Variants in KIT observed in about 807,000 individuals in gnomAD.
KIT encodes the protein KIT proto-oncogene, receptor tyrosine kinase.
Under a neutral mutation model 105.7 loss-of-function variants are expected in KIT, and 16 were observed. That is an observed-to-expected ratio of 0.15 (90% CI 0.10 to 0.23). KIT has a LOEUF of 0.23. Among genes scored for constraint, KIT ranks in the 10% least tolerant of loss-of-function variants. KIT has a pLI of 1.00. For synonymous variants in KIT, 438 were observed against 441.1 expected (o/e 0.99, Z 0.09); for missense variants, 858 against 1,213.8 (o/e 0.71, Z 4.36).
At chr4:54,682,092 T>TTC (rs200258710) in intron 1 of KIT, among the ~76,000 whole-genome samples, 6,972 of 144,382 alleles carry the variant, frequency 0.048, 516 homozygotes, top group African/African-American at 0.16. Flanking sequence ...TGAATTTTCT[T>TTC]TTTTTTTTTT....
chr4:54,725,808 T>G lies in KIT; in HGVS notation c.1347-49T>G, dbSNP rs1722179721. The G allele has an allele frequency of 2.0e-6, 3 of 1,498,946 alleles. No homozygotes were observed. In the African/African-American group the frequency reaches 4.1e-5, roughly 21 times the overall value. 92.9% of individuals were successfully genotyped at this position (1,498,946 alleles called of 1,614,324 possible). ...GCCACATCCCAAGTGTTTTATGTAT[T>G]TATTTATTTTCCTAGAGTAAGCCAG... On this transcript the variant is annotated intron_variant, in intron 8 of 20. Transcript: ENST00000288135.
intron 8 of KIT, among the ~76,000 whole-genome samples, chr4:54,724,741 C>T (rs1158068692): frequency 2.0e-5 from 3 of 150,796 alleles, no homozygotes; most frequent in East Asian, 1.9e-4. Context: ...GTAACACTAA[C>T]GATAGCTGAT....
chr4:54,694,414 C>G (rs1050814478), intron 1 of KIT, among the ~76,000 whole-genome samples: 2 of 152,160 alleles, frequency 1.3e-5, no homozygotes, highest in African/African-American at 4.8e-5. Context: ...TGCAGTGTTG[C>G]AATCACAGTT....
intron 1 of KIT, among the ~76,000 whole-genome samples, chr4:54,668,887 C>T (rs893403077): frequency 6.6e-6 from 1 of 152,202 alleles, no homozygotes; most frequent in Non-Finnish European, 1.5e-5. Context: ...GCAATTCCAT[C>T]CCAACTTTCA....
rs1553891809 is a variant in KIT, at chr4:54,727,529, C to T, written c.1761C>T (p.Asn587=). Residue 587 remains asparagine, a synonymous_variant, in exon 11 of 21, where the codon AAC becomes AAT. Transcript: ENST00000288135. ...ATCACAAATGGGAGTTTCCCAGAAACAGGCTGAGTTTTGGTCAGTATGAAA... is the reference window on the plus strand; with the variant it reads ...ATCACAAATGGGAGTTTCCCAGAAATAGGCTGAGTTTTGGTCAGTATGAAA... The part of the protein sequence containing the change: ...PYDHKWEFPR[N]RLSFGKTLGA... The T allele has an allele frequency of 6.2e-7, 1 of 1,614,038 alleles. No homozygotes were observed. Among genetic ancestry groups the T allele is most frequent in the Admixed American group, 1.7e-5 (1 of 59,998 alleles).
chr4:54,665,907 G>A (rs1717654295), intron 1 of KIT, among the ~76,000 whole-genome samples: 1 of 152,174 alleles, frequency 6.6e-6, no homozygotes, highest in Non-Finnish European at 1.5e-5. Flanking sequence ...AGAATGGTAT[G>A]TTAACTGTGA....
rs1720025489 is a variant in KIT, at chr4:54,695,786, A to G, written c.337+5A>G. On this transcript the variant is annotated splice_donor_5th_base_variant and intron_variant, in intron 2 of 20. Transcript: ENST00000288135. ...CCATTTATGTGTTTGTTAGAGGTAA[A>G]TGCTTGGCTTTCTGCAGTGCTGTGC... The G allele has an allele frequency of 6.2e-7, 1 of 1,614,214 alleles. No homozygotes were observed. Among genetic ancestry groups the G allele is most frequent in the Non-Finnish European group, 8.5e-7 (1 of 1,180,028 alleles).
At position 54,678,330 on chromosome 4, in the gene KIT, T is replaced by C. The variant is rs549876810; in HGVS notation, c.68-17182T>C. Among the ~76,000 whole-genome samples the C allele has an allele frequency of 6.8e-3, 680 of 99,984 alleles. 7 individuals are homozygous for C. Among genetic ancestry groups the C allele is most frequent in the Admixed American group, 9.9e-3 (99 of 9,984 alleles). The allele number at this position is 99,984 out of a possible 152,430, so 65.6% of individuals were successfully genotyped here. A position where few individuals can be genotyped will look rare whatever the true frequency, so the allele number is the denominator to read the frequency against. On this transcript the variant is annotated intron_variant, in intron 1 of 20. Transcript: ENST00000288135. ...CTTCCTTCCTTCCTTCCTTCCTTCC[T>C]TCCTTCCTTCCTTCCTTCCTTCCCT...
chr4:54,693,666 CA>C (rs1719862505), intron 1 of KIT, among the ~76,000 whole-genome samples: 1 of 148,692 alleles, frequency 6.7e-6, no homozygotes, highest in Admixed American at 6.9e-5. Flanking sequence ...TCACTCAGAT[CA>C]GTCCTCATCT....
At chr4:54,672,227 A>AT (rs1286773587) in intron 1 of KIT, among the ~76,000 whole-genome samples, 1 of 151,972 alleles carries the variant, frequency 6.6e-6, no homozygotes, top group African/African-American at 2.4e-5. Flanking sequence ...TTCTGATTGC[A>AT]TTCCTTGGTC....
chr4:54,677,034 A>G (rs1718529624), intron 1 of KIT, among the ~76,000 whole-genome samples: 1 of 152,024 alleles, frequency 6.6e-6, no homozygotes, highest in Non-Finnish European at 1.5e-5. Flanking sequence ...TTATTGGTTT[A>G]TTGCTGATGT....
chr4:54,694,563 G>A lies in KIT; in HGVS notation c.68-949G>A, dbSNP rs116676982. Among the ~76,000 whole-genome samples the A allele has an allele frequency of 9.0e-3, 1,369 of 152,092 alleles. 18 individuals are homozygous for A. The highest frequency in any genetic ancestry group is 0.031 in the African/African-American group (1,276 of 41,490). On this transcript the variant is annotated intron_variant, in intron 1 of 20. Transcript: ENST00000288135. ...TCTAGTTTTTGTAGATGTGTTGGGC[G>A]GTGGGGGCGTCTCACTGCGTTGCCC...
At chr4:54,667,080 C>CTA (rs1717755737) in intron 1 of KIT, among the ~76,000 whole-genome samples, 1 of 152,088 alleles carries the variant, frequency 6.6e-6, no homozygotes, top group South Asian at 2.1e-4. Context: ...AATCGCTGTG[C>CTA]TATAACGCAG....
At chr4:54,709,780 A>G (rs1176440137) in intron 7 of KIT, among the ~76,000 whole-genome samples, 2 of 152,214 alleles carry the variant, frequency 1.3e-5, no homozygotes, top group Admixed American at 6.5e-5. Context: ...CTGCCTTTGA[A>G]GTAAACAGAG....
At chr4:54,726,636 TTTTG>T (rs559384432) in intron 9 of KIT, among the ~76,000 whole-genome samples, 15 of 152,066 alleles carry the variant, frequency 9.9e-5, no homozygotes, top group South Asian at 8.3e-4. Context: ...CTTCTTGGGG[TTTTG>T]TTTGTTTGTT....
chr4:54,697,107 G>A (rs1249797879), intron 2 of KIT, among the ~76,000 whole-genome samples: 1 of 152,206 alleles, frequency 6.6e-6, no homozygotes. Context: ...AGCAATGAAG[G>A]AAGGTGGGGC....
intron 5 of KIT, 40 bp downstream of exon 5, chr4:54,703,932 G>A (rs369352606): frequency 1.2e-5 from 17 of 1,464,422 alleles, no homozygotes; most frequent in East Asian, 4.5e-5. Context: ...ACTGGCAGTA[G>A]TGAAAGAAGA....
intron 1 of KIT, 61 bp from the exon 2 acceptor site, chr4:54,695,451 A>T: frequency 6.4e-7 from 1 of 1,570,398 alleles, no homozygotes; most frequent in Non-Finnish European, 8.8e-7. Flanking sequence ...GTATTGGAAG[A>T]AGTGCTTTAT....
Position 54,731,917 on chromosome 4 carries a change from C to T in KIT, c.2280C>T (p.Asp760=), listed in dbSNP as rs55717477. The change falls in exon 16 of 21, where the codon GAC becomes GAT. Residue 760 remains aspartate, a synonymous_variant. Transcript: ENST00000288135. ...TGACTCCCGCCATCATGGAGGATGA[C>T]GAGTTGGCCCTAGACTTAGAAGACT... ...RDVTPAIMED[D]ELALDLEDLL... 4.2e-5 allele frequency: 67 copies of T among 1,613,404 alleles called. No homozygotes were observed. Among genetic ancestry groups the T allele is most frequent in the Admixed American group, 1.0e-4 (6 of 59,964 alleles).
Sources: allele counts gnomAD v4.1 joint callset (sites outside exome capture counted in the v4.1 genomes callset), GRCh38; gene constraint gnomAD v4.1.1; transcripts MANE v1.5; gene names NCBI Gene and HGNC (gene_info 2026-07-23, HGNC 2026-07-21).